Variants in MSRA observed in about 807,000 individuals in gnomAD.
The protein encoded by MSRA is methionine sulfoxide reductase A.
In MSRA, 54 loss-of-function variants were observed where a neutral mutation model predicts 31.3. That is an observed-to-expected ratio of 1.73 (90% CI 1.39 to 2.17). MSRA has a LOEUF of 2.17. MSRA is among the 30% of genes most tolerant of loss of function. The pLI is 0.00. For synonymous variants in MSRA, 169 were observed against 116.5 expected (o/e 1.45, Z -2.90); for missense variants, 507 against 300.9 (o/e 1.69, Z -5.07).
At chr8:10,293,329 G>A (rs758348839) in intron 3 of MSRA, among the ~76,000 whole-genome samples, 4 of 152,196 alleles carry the variant, frequency 2.6e-5, no homozygotes, top group Admixed American at 1.3e-4. Context: ...ACAAAGATGA[G>A]CTACTGCTTC....
intron 3 of MSRA, among the ~76,000 whole-genome samples, chr8:10,283,824 T>C (rs1348006873): frequency 1.6e-3 from 107 of 68,996 alleles, no homozygotes; most frequent in African/African-American, 5.0e-3. Flanking sequence ...TATATATATA[T>C]ATATATATAT....
chr8:10,425,136 C>T (rs917337448), intron 5 of MSRA, among the ~76,000 whole-genome samples: 1 of 150,078 alleles, frequency 6.7e-6, no homozygotes, highest in Admixed American at 6.6e-5. Context: ...TCAGTTTTGG[C>T]GGTGGGTGGG....
intron 1 of MSRA, among the ~76,000 whole-genome samples, chr8:10,167,954 G>A (rs923333693): frequency 1.4e-4 from 22 of 152,202 alleles, no homozygotes; most frequent in African/African-American, 5.1e-4. Context: ...GGGTGGCCAG[G>A]AATGGAGAAG....
At chr8:10,214,489 T>G (rs1809807525) in intron 2 of MSRA, among the ~76,000 whole-genome samples, 1 of 152,176 alleles carries the variant, frequency 6.6e-6, no homozygotes, top group Non-Finnish European at 1.5e-5. Context: ...TCTTGGTGTC[T>G]CACTGGCACA....
chr8:10,152,286 A>G (rs1440168712), intron 1 of MSRA, among the ~76,000 whole-genome samples: 1 of 152,222 alleles, frequency 6.6e-6, no homozygotes, highest in South Asian at 2.1e-4. Flanking sequence ...TATAAATAAA[A>G]TTGGATTGAG....
chr8:10,163,860 G>A lies in MSRA; in HGVS notation c.143-43973G>A, dbSNP rs1448337821. On this transcript the variant is annotated intron_variant, in intron 1 of 5. Coordinates refer to ENST00000317173, the MANE Select transcript of MSRA (RefSeq NM_012331.5). Reference sequence around the variant, plus strand: ...GGGCACAGACCAGTGTGGCCCCTCCGCCCTTTGCCCCAGTCGGCATTGTCG... The same window carrying A: ...GGGCACAGACCAGTGTGGCCCCTCCACCCTTTGCCCCAGTCGGCATTGTCG... Among the ~76,000 whole-genome samples the A allele has an allele frequency of 2.0e-5, 3 of 152,200 alleles. No homozygotes were observed. In the East Asian group the frequency reaches 5.8e-4, roughly 29 times the overall value.
chr8:10,199,412 C>T (rs946847850), intron 1 of MSRA, among the ~76,000 whole-genome samples: 56 of 152,094 alleles, frequency 3.7e-4, no homozygotes, highest in African/African-American at 1.3e-3. Context: ...CTGCACCTCC[C>T]GGGTTCAAGT....
chr8:10,425,346 A>G (rs950875155), intron 5 of MSRA, among the ~76,000 whole-genome samples: 1 of 152,148 alleles, frequency 6.6e-6, no homozygotes, highest in African/African-American at 2.4e-5. Flanking sequence ...AGTGTCTGCC[A>G]TCTTGTGGCT....
intron 2 of MSRA, among the ~76,000 whole-genome samples, chr8:10,209,481 G>T (rs898584554): frequency 6.6e-6 from 1 of 152,170 alleles, no homozygotes; most frequent in Non-Finnish European, 1.5e-5. Flanking sequence ...TACAGAATTC[G>T]AAATAACAGG....
intron 2 of MSRA, among the ~76,000 whole-genome samples, chr8:10,231,441 A>C (rs745535482): frequency 4.1e-4 from 63 of 152,282 alleles, no homozygotes; most frequent in Non-Finnish European, 7.8e-4. Context: ...GCTGTATTGA[A>C]TTTCACGTGT....
At chr8:10,349,654 C>T (rs746742631) in intron 5 of MSRA, among the ~76,000 whole-genome samples, 11 of 152,226 alleles carry the variant, frequency 7.2e-5, no homozygotes, top group Non-Finnish European at 1.0e-4. Context: ...TTGTGGCCTT[C>T]GTCCCCTCTG....
At chr8:10,124,980 G>C (rs1801397177) in intron 1 of MSRA, among the ~76,000 whole-genome samples, 1 of 152,188 alleles carries the variant, frequency 6.6e-6, no homozygotes, top group Non-Finnish European at 1.5e-5. Flanking sequence ...ACATTAAATA[G>C]TAAGATTGAA....
At chr8:10,328,435 C>T (rs1182787002) in intron 5 of MSRA, among the ~76,000 whole-genome samples, 3 of 151,996 alleles carry the variant, frequency 2.0e-5, no homozygotes, top group Non-Finnish European at 2.9e-5. Flanking sequence ...TTTTCTCTCA[C>T]GTTCACTCTC....
chr8:10,381,695 G>T (rs193006182), intron 5 of MSRA, among the ~76,000 whole-genome samples: 183 of 152,312 alleles, frequency 1.2e-3, no homozygotes, highest in African/African-American at 4.3e-3. Flanking sequence ...TTTCCCTACT[G>T]CCCCATAATG....
At chr8:10,216,700 A>C (rs937117229) in intron 2 of MSRA, among the ~76,000 whole-genome samples, 1 of 152,220 alleles carries the variant, frequency 6.6e-6, no homozygotes, top group Non-Finnish European at 1.5e-5. Context: ...GGCTTATTCT[A>C]CTTCGCATAA....
At chr8:10,345,718 G>T (rs997220999) in intron 5 of MSRA, among the ~76,000 whole-genome samples, 7 of 152,116 alleles carry the variant, frequency 4.6e-5, no homozygotes, top group African/African-American at 1.7e-4. Flanking sequence ...GCGTTATTCG[G>T]GTTTCTGTTT....
intron 1 of MSRA, among the ~76,000 whole-genome samples, chr8:10,071,307 G>C: frequency 6.6e-6 from 1 of 152,070 alleles, no homozygotes; most frequent in Non-Finnish European, 1.5e-5. Flanking sequence ...ATCCTCTTTC[G>C]TTAAATGTCT....
At chr8:10,163,094 T>C (rs1804804957) in intron 1 of MSRA, among the ~76,000 whole-genome samples, 1 of 152,112 alleles carries the variant, frequency 6.6e-6, no homozygotes, top group Admixed American at 6.6e-5. Context: ...CTTTGCACCA[T>C]GGGAGGACAC....
At chr8:10,345,762 C>G (rs1803731144) in intron 5 of MSRA, among the ~76,000 whole-genome samples, 1 of 152,112 alleles carries the variant, frequency 6.6e-6, no homozygotes, top group Admixed American at 6.6e-5. Context: ...TCTAAAAAGG[C>G]CTGGCAAATC....
Sources: allele counts gnomAD v4.1 joint callset (sites outside exome capture counted in the v4.1 genomes callset), GRCh38; gene constraint gnomAD v4.1.1; transcripts MANE v1.5; gene names NCBI Gene and HGNC (gene_info 2026-07-23, HGNC 2026-07-21).